Variants in HTR1F observed in about 807,000 individuals in gnomAD.
HTR1F encodes the protein 5-hydroxytryptamine receptor 1F.
A neutral mutation model predicts 24.0 loss-of-function variants in HTR1F; 17 were observed. The ratio of observed to expected loss-of-function variants is 0.71; its 90% CI spans 0.48 to 1.06. The LOEUF is 1.06. Among genes scored for constraint, HTR1F ranks in the 50% least tolerant of loss-of-function variants. HTR1F has a pLI of 0.00. For synonymous variants in HTR1F, 186 were observed against 156.8 expected, an observed-to-expected ratio of 1.19 and a Z score of -1.39; for missense variants, 391 against 427.8, an observed-to-expected ratio of 0.91 and a Z score of 0.76.
intron 2 of HTR1F, among the ~76,000 whole-genome samples, chr3:87,918,259 A>C (rs1347650900): frequency 1.3e-5 from 2 of 152,200 alleles, no homozygotes; most frequent in East Asian, 3.9e-4. Flanking sequence ...CCCACAGTCA[A>C]CATATACTGA....
intron 2 of HTR1F, among the ~76,000 whole-genome samples, chr3:87,902,629 G>T (rs1706352049): frequency 6.6e-6 from 1 of 151,162 alleles, no homozygotes; most frequent in South Asian, 2.1e-4. Context: ...TTAAGTTTTA[G>T]GGTACATGTG....
intron 2 of HTR1F, among the ~76,000 whole-genome samples, chr3:87,938,852 C>T (rs1576061612): frequency 6.6e-6 from 1 of 152,192 alleles, no homozygotes; most frequent in Admixed American, 6.5e-5. Flanking sequence ...ACAACCTAGC[C>T]AATATTATCC....
chr3:87,986,790 G>T (rs1172308564), intron 2 of HTR1F, among the ~76,000 whole-genome samples: 3 of 152,104 alleles, frequency 2.0e-5, no homozygotes, highest in Non-Finnish European at 4.4e-5. Flanking sequence ...ACTTTTAAAT[G>T]AATTCCCATA....
intron 1 of HTR1F, among the ~76,000 whole-genome samples, chr3:87,798,380 A>G (rs1703940482): frequency 6.6e-6 from 1 of 151,930 alleles, no homozygotes; most frequent in Non-Finnish European, 1.5e-5. Flanking sequence ...CCCCACTCCA[A>G]TCTGAATTTT....
At chr3:87,870,288 C>T (rs1705526740) in intron 2 of HTR1F, among the ~76,000 whole-genome samples, 1 of 151,982 alleles carries the variant, frequency 6.6e-6, no homozygotes, top group Non-Finnish European at 1.5e-5. Context: ...CAGGATGGTC[C>T]AGAGTTTGTG....
At chr3:87,909,640 A>C (rs1703734702) in intron 2 of HTR1F, among the ~76,000 whole-genome samples, 1 of 152,070 alleles carries the variant, frequency 6.6e-6, no homozygotes, top group Non-Finnish European at 1.5e-5. Context: ...ATAAAAAATA[A>C]GATTTTCTAA....
At chr3:87,980,140 C>A (rs902221748) in intron 2 of HTR1F, among the ~76,000 whole-genome samples, 4 of 152,198 alleles carry the variant, frequency 2.6e-5, no homozygotes, top group African/African-American at 9.7e-5. Context: ...TGTCCTGCTT[C>A]AAGGAAGAGT....
chr3:87,941,979 C>T (rs569954521), intron 2 of HTR1F, among the ~76,000 whole-genome samples: 221 of 152,090 alleles, frequency 1.5e-3, no homozygotes, highest in South Asian at 4.6e-3. Flanking sequence ...TGTTGGGCCT[C>T]GGGTCTAAGG....
intron 2 of HTR1F, among the ~76,000 whole-genome samples, chr3:87,848,967 C>A (rs1219412515): frequency 6.6e-6 from 1 of 151,422 alleles, no homozygotes; most frequent in Non-Finnish European, 1.5e-5. Flanking sequence ...AGGATACAAA[C>A]AAATGGAAGA....
chr3:87,818,648 G>A (rs184478981), intron 1 of HTR1F, among the ~76,000 whole-genome samples: 140 of 152,208 alleles, frequency 9.2e-4, no homozygotes, highest in African/African-American at 3.3e-3. Flanking sequence ...CCTTAGCCTT[G>A]CTTCTCTCAA....
chr3:87,882,370 G>T (rs1479312717), intron 2 of HTR1F, among the ~76,000 whole-genome samples: 2 of 152,112 alleles, frequency 1.3e-5, no homozygotes, highest in African/African-American at 2.4e-5. Flanking sequence ...TATACCCAAA[G>T]GACTATAAAT....
intron 2 of HTR1F, among the ~76,000 whole-genome samples, chr3:87,883,066 C>A (rs1447119020): frequency 1.2e-4 from 19 of 152,056 alleles, no homozygotes; most frequent in Admixed American, 1.1e-3. Flanking sequence ...ACACCTCATA[C>A]AGGTGGGTGC....
At chr3:87,873,404 G>C (rs1705603035) in intron 2 of HTR1F, among the ~76,000 whole-genome samples, 2 of 152,120 alleles carry the variant, frequency 1.3e-5, no homozygotes, top group Non-Finnish European at 2.9e-5. Context: ...TAATATCTGA[G>C]AGCAGAGAAG....
At chr3:87,962,396 T>C (rs1302611538) in intron 2 of HTR1F, among the ~76,000 whole-genome samples, 1 of 152,116 alleles carries the variant, frequency 6.6e-6, no homozygotes, top group Non-Finnish European at 1.5e-5. Context: ...ATAGCTTTAT[T>C]TGAATAAATG....
chr3:87,930,603 T>C (rs1704238938), intron 2 of HTR1F, among the ~76,000 whole-genome samples: 1 of 152,230 alleles, frequency 6.6e-6, no homozygotes, highest in Non-Finnish European at 1.5e-5. Flanking sequence ...GATTTGTGTA[T>C]GTTGTACCAA....
chr3:87,976,032 C>T (rs182728227), intron 2 of HTR1F, among the ~76,000 whole-genome samples: 3 of 152,274 alleles, frequency 2.0e-5, no homozygotes, highest in Admixed American at 6.5e-5. Context: ...AATCATTTGT[C>T]TTGTTTATGC....
chr3:87,963,793 G>A (rs1390877851), intron 2 of HTR1F, among the ~76,000 whole-genome samples: 5 of 152,054 alleles, frequency 3.3e-5, no homozygotes, highest in Admixed American at 6.6e-5. Context: ...TTTATGTCAT[G>A]GTTTATCCCA....
intron 2 of HTR1F, among the ~76,000 whole-genome samples, chr3:87,932,118 C>A (rs1704290684): frequency 6.6e-6 from 1 of 152,046 alleles, no homozygotes; most frequent in Non-Finnish European, 1.5e-5. Context: ...AAGTCCTTAC[C>A]CATGCCTATG....
At chr3:87,830,657 T>C (rs1704555653) in intron 2 of HTR1F, among the ~76,000 whole-genome samples, 1 of 152,202 alleles carries the variant, frequency 6.6e-6, no homozygotes, top group South Asian at 2.1e-4. Context: ...TTAAAGTGTA[T>C]TTAGCAACAT....
Sources: allele counts gnomAD v4.1 joint callset (sites outside exome capture counted in the v4.1 genomes callset), GRCh38; gene constraint gnomAD v4.1.1; transcripts MANE v1.5; gene names NCBI Gene and HGNC (gene_info 2026-07-23, HGNC 2026-07-21).